The following ZFC3H1 variants were observed in gnomAD, a reference collection of about 807,000 sequenced individuals.
The protein encoded by ZFC3H1 is zinc finger C3H1-type containing, also known as zinc finger C3H1 domain-containing protein.
In ZFC3H1, 71 loss-of-function variants were observed where a neutral mutation model predicts 243.7. The observed-to-expected ratio is 0.29, with a 90% CI of 0.24 to 0.36. The LOEUF is 0.36. Ranked by LOEUF, ZFC3H1 falls within the 10% of genes least tolerant of loss-of-function variation. ZFC3H1 has a pLI of 1.00. For synonymous variants in ZFC3H1, 838 were observed against 813.0 expected (o/e 1.03, Z -0.52); for missense variants, 1,966 against 2,317.1 (o/e 0.85, Z 3.11).
At chr12:71,617,804 G>A (rs1011145700) in intron 27 of ZFC3H1, among the ~76,000 whole-genome samples, 1 of 152,116 alleles carries the variant, frequency 6.6e-6, no homozygotes, top group African/African-American at 2.4e-5. Context: ...GTAATTATTT[G>A]TAAATATTAA....
chr12:71,638,342 C>A, intron 7 of ZFC3H1, 76 bp downstream of exon 7: 2 of 1,440,106 alleles, frequency 1.4e-6, no homozygotes, highest in Non-Finnish European at 9.5e-7. Context: ...CCTCTTCAAA[C>A]CTAACCATTC....
chr12:71,631,471 C>G (rs1299622543), intron 16 of ZFC3H1, among the ~76,000 whole-genome samples: 1 of 151,898 alleles, frequency 6.6e-6, no homozygotes, highest in Non-Finnish European at 1.5e-5. Context: ...AATTAAAAAT[C>G]AAAAATTAAA....
chr12:71,657,807 A>C (rs1425432311), intron 1 of ZFC3H1, among the ~76,000 whole-genome samples: 2 of 151,970 alleles, frequency 1.3e-5, no homozygotes, highest in African/African-American at 4.8e-5. Flanking sequence ...TGGCCAACAC[A>C]GTGAAACCCC....
At chr12:71,631,039 G>T in intron 16 of ZFC3H1, 85 bp from the exon 17 acceptor site, 4 of 1,358,496 alleles carry the variant, frequency 2.9e-6, no homozygotes, top group Non-Finnish European at 2.9e-6. Context: ...TCTTTCTCAA[G>T]TTAAAATTTC....
intron 2 of ZFC3H1, chr12:71,656,408 T>C: frequency 1.9e-6 from 1 of 535,804 alleles, no homozygotes; most frequent in East Asian, 3.0e-5. Context: ...ATACTAGAAA[T>C]AAATTATATA....
rs74101628 is a variant in ZFC3H1, at chr12:71,627,713, T to C, written c.4130+38A>G. The C allele has an allele frequency of 5.9e-4, 923 of 1,558,194 alleles. 8 individuals carry two copies. The African/African-American group carries it at 0.011, about 19-fold the overall frequency. On this transcript the variant is annotated intron_variant, in intron 21 of 34. Coordinates refer to ENST00000378743, the MANE Select transcript of ZFC3H1 (RefSeq NM_144982.5). Reference sequence around the variant, plus strand: ...AAAACCTCAAACATAAAAATATAAATGTGCAACTGTTTACACAAAGATTTG... The same window carrying C: ...AAAACCTCAAACATAAAAATATAAACGTGCAACTGTTTACACAAAGATTTG...
At chr12:71,656,415 T>A (rs1881020328) in intron 2 of ZFC3H1, 2 of 563,826 alleles carry the variant, frequency 3.5e-6, no homozygotes. Flanking sequence ...AAATAAATTA[T>A]ATAATTCATT....
chr12:71,638,528 T>A lies in ZFC3H1; in HGVS notation c.1628-13A>T. The A allele has an allele frequency of 6.3e-7, 1 of 1,587,448 alleles. No homozygotes were observed. The highest frequency in any genetic ancestry group is 8.5e-7 in the Non-Finnish European group (1 of 1,170,838). On this transcript the variant is annotated splice_polypyrimidine_tract_variant and intron_variant, in intron 6 of 34. Transcript: ENST00000378743. ...ACTGGTGAAGGAGCTGTAAAAAAAT[T>A]TTTTGTTAAGAGTTTAATAACAGAA... is the stretch of plus-strand genomic sequence containing the variant.
intron 21 of ZFC3H1, among the ~76,000 whole-genome samples, chr12:71,627,444 ACAAT>A (rs1173896402): frequency 1.3e-5 from 2 of 152,156 alleles, no homozygotes; most frequent in Non-Finnish European, 2.9e-5. Flanking sequence ...TTTTTAAAAA[ACAAT>A]CAACCATTCC....
intron 30 of ZFC3H1, among the ~76,000 whole-genome samples, chr12:71,613,917 T>C (rs918035414): frequency 6.6e-6 from 1 of 152,184 alleles, no homozygotes; most frequent in African/African-American, 2.4e-5. Flanking sequence ...ATATATGTTT[T>C]AGTCTACAAT....
Position 71,637,258 on chromosome 12 carries a change from T to C in ZFC3H1, c.1726-199A>G, listed in dbSNP as rs74101630. On this transcript the variant is annotated intron_variant, in intron 7 of 34. Coordinates refer to ENST00000378743, the MANE Select transcript of ZFC3H1 (RefSeq NM_144982.5). ...CGAAAAAGTGTTATTTTTACAATTT[T>C]AAAAAAAATCAACAATATTTGAAAC... Among the ~76,000 whole-genome samples the C allele has an allele frequency of 4.6e-5, 7 of 152,074 alleles. No homozygotes were observed. In the East Asian group the frequency reaches 5.8e-4, roughly 13 times the overall value.
At chr12:71,615,386 A>G in intron 27 of ZFC3H1, 70 bp from the exon 28 acceptor site, 3 of 1,031,554 alleles carry the variant, frequency 2.9e-6, no homozygotes, top group Non-Finnish European at 4.3e-6. Context: ...CATATTTTTT[A>G]AAATCGTTAG....
chr12:71,619,237 A>G (rs986594067), intron 27 of ZFC3H1, 78 bp downstream of exon 27: 44 of 1,326,424 alleles, frequency 3.3e-5, no homozygotes, highest in Non-Finnish European at 4.2e-5. Context: ...ATGTCATCAT[A>G]TAAGAAAAAA....
At chr12:71,637,899 C>T (rs1314809634) in intron 7 of ZFC3H1, among the ~76,000 whole-genome samples, 4 of 151,870 alleles carry the variant, frequency 2.6e-5, no homozygotes, top group African/African-American at 7.3e-5. Flanking sequence ...TTTTCCTTTT[C>T]CTTTTATTGT....
Position 71,663,336 on chromosome 12 carries a change from G to T in ZFC3H1, c.275C>A (p.Ala92Glu). Residue 92 changes from alanine to glutamate, a missense_variant, in exon 1 of 35, where the codon GCG becomes GAG. Physicochemically the swap from Ala to Glu is moderately radical, Grantham distance 107. This residue lies in a region of ZFC3H1 where 484 missense variants were observed against 449.7 expected (regional missense o/e 1.08). Coordinates refer to ENST00000378743, the MANE Select transcript of ZFC3H1 (RefSeq NM_144982.5). Reference protein sequence around the residue: ...QLRNFSRSRHASERGHLRGPS... With the variant: ...QLRNFSRSRHESERGHLRGPS... Reference sequence around the variant, plus strand: ...TCCCCTGAGGTGGCCCCGCTCAGACGCGTGCCGCGAGCGTGAGAAATTCCT... The same window carrying T: ...TCCCCTGAGGTGGCCCCGCTCAGACTCGTGCCGCGAGCGTGAGAAATTCCT... 6.2e-7 allele frequency: 1 copy of T among 1,613,224 alleles called. No homozygotes were observed. Among genetic ancestry groups the T allele is most frequent in the Non-Finnish European group, 8.5e-7 (1 of 1,180,032 alleles).
At chr12:71,626,038 C>CA (rs1225253529) in intron 22 of ZFC3H1, among the ~76,000 whole-genome samples, 66 of 151,634 alleles carry the variant, frequency 4.4e-4, no homozygotes, top group Middle Eastern at 3.4e-3. Context: ...TTAACAACAA[C>CA]AAAAAAATCA....
chr12:71,640,626 G>A lies in ZFC3H1; in HGVS notation c.1627+1810C>T, dbSNP rs540645006. Among the ~76,000 whole-genome samples the A allele has an allele frequency of 1.1e-4, 16 of 152,288 alleles. No individual in the cohort carries two copies. The South Asian group carries it at 3.1e-3, about 30-fold the overall frequency. ...CTGCTCTGCTTTCATTACAGGGAAC[G>A]GGCAGGCTGGCACTGGGATGCCCAC... On this transcript the variant is annotated intron_variant, in intron 6 of 34. Coordinates refer to ENST00000378743, the MANE Select transcript of ZFC3H1 (RefSeq NM_144982.5).
intron 2 of ZFC3H1, among the ~76,000 whole-genome samples, chr12:71,650,734 G>A (rs1265905313): frequency 6.6e-6 from 1 of 152,094 alleles, no homozygotes; most frequent in Non-Finnish European, 1.5e-5. Flanking sequence ...ATATAGTAGA[G>A]ATGTCTACCC....
intron 2 of ZFC3H1, among the ~76,000 whole-genome samples, chr12:71,653,263 G>T (rs1005382563): frequency 2.6e-5 from 4 of 152,188 alleles, no homozygotes; most frequent in African/African-American, 4.8e-5. Context: ...GTAAAACTCA[G>T]TAAGTGGGCT....
Sources: gnomAD v4.1 joint callset for allele counts (sites outside exome capture counted in the v4.1 genomes callset) on GRCh38, gnomAD v4.1.1 for gene constraint, gnomAD v4.1.1 regional missense constraint, MANE v1.5 for transcripts, NCBI Gene and HGNC (gene_info 2026-07-23, HGNC 2026-07-21) for gene names.